Variants in MAPT observed in about 807,000 individuals in gnomAD.
MAPT encodes the protein microtubule associated protein tau.
A neutral mutation model predicts 67.9 loss-of-function variants in MAPT; 34 were observed. The ratio of observed to expected loss-of-function variants is 0.50; its 90% CI spans 0.38 to 0.67. The LOEUF (loss-of-function observed/expected upper bound fraction) is 0.67. Ranked by LOEUF, MAPT falls within the 30% of genes least tolerant of loss-of-function variation. MAPT has a pLI of 0.00. For missense variants in MAPT, 881 were observed against 1,115.2 expected (o/e 0.79, Z 2.99); for synonymous variants, 456 against 464.5 (o/e 0.98, Z 0.23).
chr17:45,963,576 C>T (rs190257382), intron 2 of MAPT, among the ~76,000 whole-genome samples: 14 of 152,334 alleles, frequency 9.2e-5, no homozygotes, highest in African/African-American at 3.4e-4. Context: ...CCTCCATACC[C>T]ATTTCTAAGG....
chr17:45,960,929 G>A (rs140161293), intron 1 of MAPT, among the ~76,000 whole-genome samples: 2,579 of 152,006 alleles, frequency 0.017, 33 homozygotes, highest in Non-Finnish European at 0.023. Context: ...CAGCACATCC[G>A]ATTTTTACTT....
chr17:45,911,450 C>T (rs537998294), intron 1 of MAPT, among the ~76,000 whole-genome samples: 18 of 151,120 alleles, frequency 1.2e-4, no homozygotes, highest in African/African-American at 3.4e-4. Flanking sequence ...GGCGATATAG[C>T]GAGAACCTGT....
In MAPT at chr17:45,996,661, G is replaced by A. The variant is rs746497810; in HGVS notation, c.1995G>A (p.Gly665=). 3 of 1,613,666 alleles carry A rather than the reference G, an allele frequency of 1.9e-6. No homozygotes were observed. The highest frequency in any genetic ancestry group is 1.6e-4 in the Middle Eastern group (1 of 6,082). ...TENLKHQPGG[G]KVQIINKKLD... is the part of the protein sequence containing the mutation. Reference sequence around the variant, plus strand: ...ACCTGAAGCACCAGCCGGGAGGCGGGAAGGTGAGAGTGGCTGGCTGCGCGT... The same window carrying A: ...ACCTGAAGCACCAGCCGGGAGGCGGAAAGGTGAGAGTGGCTGGCTGCGCGT... Residue 665 remains glycine (G), a synonymous_variant, in exon 9 of 13, where the codon GGG becomes GGA. Transcript: ENST00000262410. This position sits in a 1 kb window ranked among gnomAD's most constrained non-coding sequence, Gnocchi z 4.5.
chr17:46,003,192 C>T (rs145623997), intron 9 of MAPT, among the ~76,000 whole-genome samples: 13 of 152,096 alleles, frequency 8.5e-5, no homozygotes, highest in East Asian at 3.9e-4. Flanking sequence ...CCCATCTCTC[C>T]GATCTGTTTC....
Position 45,902,327 on chromosome 17 carries a change from C to T in MAPT, c.-18+7641C>T, listed in dbSNP as rs1056946905. 3.3e-5 allele frequency among the ~76,000 whole-genome samples: 5 copies of T among 152,274 alleles called. No individual in the cohort carries two copies. The South Asian group carries it at 1.0e-3, about 32-fold the overall frequency. ...CCAAGTGATCCACCCACCTCGGCCT[C>T]CCAAAGTGCTGGGATTACAGGTGTG... is the stretch of plus-strand genomic sequence containing the variant. On this transcript the variant is annotated intron_variant, in intron 1 of 12. Coordinates refer to ENST00000262410, the MANE Select transcript of MAPT (RefSeq NM_001377265.1).
intron 1 of MAPT, among the ~76,000 whole-genome samples, chr17:45,943,223 T>G (rs1273701459): frequency 1.3e-5 from 2 of 152,164 alleles, no homozygotes; most frequent in African/African-American, 4.8e-5. Context: ...CTAGCTAAAT[T>G]TTTGTACTTT....
chr17:45,959,052 G>GT (rs2070078905), intron 1 of MAPT, among the ~76,000 whole-genome samples: 1 of 152,154 alleles, frequency 6.6e-6, no homozygotes, highest in African/African-American at 2.4e-5. Flanking sequence ...TACAGAGCGA[G>GT]ACTCTGTCCC....
chr17:45,957,973 T>C (rs1055755701), intron 1 of MAPT, among the ~76,000 whole-genome samples: 2 of 152,006 alleles, frequency 1.3e-5, no homozygotes, highest in Non-Finnish European at 2.9e-5. Context: ...GATCCAAAGC[T>C]AAATCAGGAG....
intron 1 of MAPT, among the ~76,000 whole-genome samples, chr17:45,925,211 T>A (rs1262836097): frequency 6.6e-6 from 1 of 152,216 alleles, no homozygotes; most frequent in Non-Finnish European, 1.5e-5. Flanking sequence ...GTGCCTACCA[T>A]GGGCCAGGTA....
At chr17:45,941,068 G>T (rs972289850) in intron 1 of MAPT, among the ~76,000 whole-genome samples, 2 of 152,164 alleles carry the variant, frequency 1.3e-5, no homozygotes, top group African/African-American at 4.8e-5. Context: ...GCCAGCCAGA[G>T]GGCTCCTGTT....
At chr17:45,899,584 A>T (rs2143731337) in intron 1 of MAPT, among the ~76,000 whole-genome samples, 1 of 152,300 alleles carries the variant, frequency 6.6e-6, no homozygotes, top group South Asian at 2.1e-4. Flanking sequence ...TCTCAGCCAC[A>T]TGTGGGTTTA....
At chr17:45,959,740 C>CA (rs112695020) in intron 1 of MAPT, among the ~76,000 whole-genome samples, 21,791 of 152,024 alleles carry the variant, frequency 0.14, 2,128 homozygotes, top group Non-Finnish European at 0.22. Flanking sequence ...AAGATTGCAC[C>CA]ACTGCACTCC....
At position 45,931,596 on chromosome 17, in the gene MAPT, A is replaced by G. The variant is rs117294911; in HGVS notation, c.-17-30725A>G. On this transcript the variant is annotated intron_variant, in intron 1 of 12. Coordinates refer to ENST00000262410, the MANE Select transcript of MAPT (RefSeq NM_001377265.1). The stretch of plus-strand genomic sequence containing the variant: ...AATTTAGCAGCTACTGTATTGTACC[A>G]TTGATGTACGGCTTTATTTTCTTGA... Among the ~76,000 whole-genome samples the G allele has an allele frequency of 3.3e-3, 505 of 152,352 alleles. 2 individuals carry two copies. The highest frequency in any genetic ancestry group is 5.1e-3 in the Non-Finnish European group (347 of 68,036).
chr17:46,009,630 C>A (rs1361328938), intron 9 of MAPT, among the ~76,000 whole-genome samples: 2 of 152,218 alleles, frequency 1.3e-5, no homozygotes, highest in Non-Finnish European at 2.9e-5. Flanking sequence ...AGCCCTCGTA[C>A]AGAAGGGACA....
chr17:46,001,536 G>A (rs1343059214), intron 9 of MAPT, among the ~76,000 whole-genome samples: 1 of 152,204 alleles, frequency 6.6e-6, no homozygotes, highest in Non-Finnish European at 1.5e-5. Context: ...GGTGGCGCAT[G>A]CCTGTAATCC....
intron 9 of MAPT, among the ~76,000 whole-genome samples, chr17:46,007,347 C>T (rs909770064): frequency 1.3e-5 from 2 of 152,024 alleles, no homozygotes; most frequent in African/African-American, 2.4e-5. Flanking sequence ...ATTAGCTGGG[C>T]GTGGTAGCAC....
chr17:45,939,929 A>C (rs990599099), intron 1 of MAPT, among the ~76,000 whole-genome samples: 4 of 152,130 alleles, frequency 2.6e-5, no homozygotes, highest in Non-Finnish European at 4.4e-5. Flanking sequence ...GTACTTAGTG[A>C]CCTAACTCAC....
intron 1 of MAPT, among the ~76,000 whole-genome samples, chr17:45,924,076 AC>A: frequency 1.3e-5 from 2 of 152,254 alleles, no homozygotes; most frequent in East Asian, 3.9e-4. Flanking sequence ...TCATTTCACA[AC>A]CTTACATTTC....
At chr17:45,991,325 C>A in intron 7 of MAPT, 135 bp from the exon 8 acceptor site, 1 of 1,061,684 alleles carries the variant, frequency 9.4e-7, no homozygotes, top group Admixed American at 1.9e-5. Flanking sequence ...ACACTAGTGG[C>A]ATCTAGGAGG....
Sources: gnomAD v4.1 joint callset for allele counts (sites outside exome capture counted in the v4.1 genomes callset) on GRCh38, gnomAD v4.1.1 for gene constraint, Gnocchi (gnomAD v3.1) non-coding constraint, MANE v1.5 for transcripts, NCBI Gene and HGNC (gene_info 2026-07-23, HGNC 2026-07-21) for gene names.